The following SIMC1 variants were observed in gnomAD, a reference collection of about 807,000 sequenced individuals.
The protein encoded by SIMC1 is SUMO interacting motifs containing 1, also known as SUMO-interacting motif-containing protein 1.
SIMC1 carries 55 observed loss-of-function variants against 82.3 expected under a neutral mutation model. That is an observed-to-expected ratio of 0.67 (90% CI 0.54 to 0.84). SIMC1 has a LOEUF of 0.84. SIMC1 is among the 40% of genes least tolerant of loss of function. SIMC1 has a pLI of 0.00. For missense variants in SIMC1, 915 were observed against 1,107.2 expected, an observed-to-expected ratio of 0.83 and a Z score of 2.46; for synonymous variants, 353 against 426.3, an observed-to-expected ratio of 0.83 and a Z score of 2.12.
At chr5:176,314,504 C>T (rs936468434) in intron 5 of SIMC1, among the ~76,000 whole-genome samples, 4 of 152,122 alleles carry the variant, frequency 2.6e-5, no homozygotes, top group Non-Finnish European at 5.9e-5. Context: ...TCCTATCCCC[C>T]GATGAACCTC....
At chr5:176,296,110 A>G (rs540185990) in intron 3 of SIMC1, 141 bp from the exon 4 acceptor site, 6 of 1,421,542 alleles carry the variant, frequency 4.2e-6, no homozygotes, top group African/African-American at 1.4e-5. Context: ...TCAGATTGAC[A>G]TGGTATGATA....
chr5:176,287,855 A>G (rs1763366499), intron 1 of SIMC1, among the ~76,000 whole-genome samples: 1 of 152,192 alleles, frequency 6.6e-6, no homozygotes, highest in South Asian at 2.1e-4. Flanking sequence ...AAATAAAAAT[A>G]CATTTCTATT....
chr5:176,336,611 C>T, intron 7 of SIMC1, 109 bp from the exon 8 acceptor site: 1 of 1,453,260 alleles, frequency 6.9e-7, no homozygotes, highest in Non-Finnish European at 9.3e-7. Context: ...GGTATTCCTT[C>T]TTAACTGTCT....
chr5:176,313,336 G>A, intron 4 of SIMC1: 1 of 1,480,624 alleles, frequency 6.8e-7, no homozygotes, highest in Non-Finnish European at 9.0e-7. Context: ...TCCCATGGCT[G>A]CCTCTTAAAT....
chr5:176,321,118 A>G (rs114922983), intron 5 of SIMC1, among the ~76,000 whole-genome samples: 1 of 152,028 alleles, frequency 6.6e-6, no homozygotes, highest in African/African-American at 2.4e-5. Flanking sequence ...TTTCCTTTCT[A>G]TGTAGTTGTA....
At chr5:176,264,996 C>A (rs1261348359) in intron 1 of SIMC1, among the ~76,000 whole-genome samples, 9 of 151,932 alleles carry the variant, frequency 5.9e-5, no homozygotes, top group Non-Finnish European at 1.3e-4. Flanking sequence ...TAGGGAGATA[C>A]CATTTCTACA....
At position 176,295,271 on chromosome 5, in the gene SIMC1, C is replaced by T. The variant is rs906521516; in HGVS notation, c.1664+9C>T. 2.5e-6 allele frequency: 4 copies of T among 1,606,994 alleles called. No individual in the cohort carries two copies. The highest frequency in any genetic ancestry group is 1.6e-4 in the Middle Eastern group (1 of 6,076). The stretch of plus-strand genomic sequence containing the variant: ...CTCATGAAAATTCAACAGTATGAAC[C>T]GTAACCTCTGGCTGTTGGCGAATCT... On this transcript the variant is annotated intron_variant, in intron 3 of 9. Transcript: ENST00000429602.
chr5:176,279,003 T>G (rs571602447), intron 1 of SIMC1, among the ~76,000 whole-genome samples: 14 of 152,206 alleles, frequency 9.2e-5, no homozygotes, highest in African/African-American at 3.4e-4. Context: ...TTCTATTGAT[T>G]GGAATAGTTT....
At chr5:176,274,089 C>G (rs960018761) in intron 1 of SIMC1, among the ~76,000 whole-genome samples, 1 of 148,778 alleles carries the variant, frequency 6.7e-6, no homozygotes. Flanking sequence ...CACTGACTTC[C>G]ACAATGGTTG....
At chr5:176,281,696 C>T (rs1446741594) in intron 1 of SIMC1, among the ~76,000 whole-genome samples, 1 of 152,196 alleles carries the variant, frequency 6.6e-6, no homozygotes, top group African/African-American at 2.4e-5. Context: ...AGGTCCACTC[C>T]AGACCCTGTT....
intron 1 of SIMC1, among the ~76,000 whole-genome samples, chr5:176,280,939 G>C (rs1762977475): frequency 6.6e-6 from 1 of 152,106 alleles, no homozygotes; most frequent in Non-Finnish European, 1.5e-5. Context: ...GAGTATCTTT[G>C]TGGCGTTCTC....
intron 1 of SIMC1, among the ~76,000 whole-genome samples, chr5:176,265,316 C>T (rs2560163): frequency 1.9e-3 from 285 of 151,588 alleles, no homozygotes; most frequent in African/African-American, 6.5e-3. Flanking sequence ...AACTAATTTG[C>T]CCTGCTAGTC....
At chr5:176,264,438 G>T (rs1424656832) in intron 1 of SIMC1, among the ~76,000 whole-genome samples, 3 of 152,240 alleles carry the variant, frequency 2.0e-5, no homozygotes, top group African/African-American at 7.2e-5. Context: ...TGCATTCTGT[G>T]TGTCTACAGA....
chr5:176,343,529 TAGAA>T (rs1766243372), intron 9 of SIMC1, among the ~76,000 whole-genome samples: 1 of 152,224 alleles, frequency 6.6e-6, no homozygotes, highest in African/African-American at 2.4e-5. Flanking sequence ...TACGGAAAAG[TAGAA>T]AGAATAGTAT....
intron 4 of SIMC1, among the ~76,000 whole-genome samples, chr5:176,306,321 C>T (rs1212774047): frequency 7.1e-6 from 1 of 141,758 alleles, no homozygotes; most frequent in African/African-American, 2.5e-5. Flanking sequence ...GCCAGCCGCC[C>T]CATCCGGGAG....
intron 1 of SIMC1, among the ~76,000 whole-genome samples, chr5:176,272,101 G>T (rs1347176418): frequency 7.0e-6 from 1 of 143,666 alleles, no homozygotes; most frequent in Non-Finnish European, 1.5e-5. Flanking sequence ...CCACCACTTT[G>T]GGAGACCAAG....
At chr5:176,251,106 A>G (rs1213355004) in intron 1 of SIMC1, among the ~76,000 whole-genome samples, 2 of 152,188 alleles carry the variant, frequency 1.3e-5, no homozygotes, top group African/African-American at 4.8e-5. Flanking sequence ...TCACCCCTAC[A>G]ATCTCAGCAC....
At chr5:176,243,007 A>AT (rs1323730313) in intron 1 of SIMC1, among the ~76,000 whole-genome samples, 2 of 152,024 alleles carry the variant, frequency 1.3e-5, no homozygotes, top group Non-Finnish European at 2.9e-5. Context: ...ATTATTTTTT[A>AT]TTTTTTTATT....
intron 1 of SIMC1, among the ~76,000 whole-genome samples, chr5:176,252,921 C>T (rs1209475938): frequency 1.3e-5 from 2 of 152,214 alleles, no homozygotes; most frequent in Non-Finnish European, 2.9e-5. Flanking sequence ...GCAGATCACT[C>T]GCGGTTAGGA....
Sources: gnomAD v4.1 joint callset for allele counts (sites outside exome capture counted in the v4.1 genomes callset) on GRCh38, gnomAD v4.1.1 for gene constraint, MANE v1.5 for transcripts, NCBI Gene and HGNC (gene_info 2026-07-23, HGNC 2026-07-21) for gene names.